The following MAD1L1 variants were observed in gnomAD, a reference collection of about 807,000 sequenced individuals.
MAD1L1 encodes mitotic spindle assembly checkpoint protein MAD1.
In MAD1L1, 95 loss-of-function variants were observed where a neutral mutation model predicts 96.9. The ratio of observed to expected loss-of-function variants is 0.98; its 90% CI spans 0.83 to 1.16. The LOEUF (loss-of-function observed/expected upper bound fraction) is 1.16. Ranked by LOEUF, MAD1L1 falls within the 50% of genes most tolerant of loss-of-function variation. The pLI is 0.00. For synonymous variants in MAD1L1, 473 were observed against 396.6 expected (o/e 1.19, Z -2.29); for missense variants, 1,007 against 954.4 (o/e 1.06, Z -0.73).
rs527413951 is a variant in MAD1L1, at chr7:2,056,383, G to A, written c.1218+12811C>T. 1.9e-4 allele frequency among the ~76,000 whole-genome samples: 29 copies of A among 150,156 alleles called. No homozygotes were observed. In the East Asian group the frequency reaches 5.3e-3, roughly 28 times the overall value. On this transcript the variant is annotated intron_variant, in intron 12 of 18. Transcript: ENST00000265854. ...GGCTCGCGCAGGCTCTTCTGTGGGA[G>A]GGATGGAGGCCCTCTGCTCTGCTCT...
intron 16 of MAD1L1, among the ~76,000 whole-genome samples, chr7:1,947,869 T>C (rs1406892044): frequency 2.0e-5 from 3 of 152,268 alleles, no homozygotes; most frequent in African/African-American, 7.2e-5. Context: ...CCGAGGGGCC[T>C]GCGGGGCCGT....
chr7:1,865,299 G>A (rs1784728251), intron 18 of MAD1L1, among the ~76,000 whole-genome samples: 1 of 152,120 alleles, frequency 6.6e-6, no homozygotes, highest in African/African-American at 2.4e-5. Flanking sequence ...GCTCTTGGGG[G>A]TCTGCAAGGC....
intron 11 of MAD1L1, among the ~76,000 whole-genome samples, chr7:2,069,606 C>T (rs984764856): frequency 3.3e-5 from 5 of 152,230 alleles, no homozygotes; most frequent in South Asian, 4.1e-4. Flanking sequence ...AAATTGTCGG[C>T]GACGCAGCCC....
chr7:2,218,798 G>A (rs1160268969), intron 6 of MAD1L1, among the ~76,000 whole-genome samples: 1 of 152,114 alleles, frequency 6.6e-6, no homozygotes, highest in Non-Finnish European at 1.5e-5. Flanking sequence ...TACTCAGGAG[G>A]CCGAGGCAGG....
intron 11 of MAD1L1, among the ~76,000 whole-genome samples, chr7:2,097,080 A>T (rs538560431): frequency 1.4e-3 from 219 of 152,194 alleles, no homozygotes; most frequent in Non-Finnish European, 2.1e-3. Context: ...AAGGCGGGAG[A>T]TGTGAAAGGG....
Position 1,936,775 on chromosome 7 carries a change from C to A in MAD1L1, c.1719G>T (p.Gly573=), listed in dbSNP as rs1778631685. Residue 573 remains glycine (G), a synonymous_variant, in exon 17 of 19, where the codon GGG becomes GGT. Coordinates refer to ENST00000265854, the MANE Select transcript of MAD1L1 (RefSeq NM_001013836.2). ...CTCCTCTCTCCATGGCGCGCAGGAG[C>A]CCGCGCAGTCGCTCGCACTCCGCCT... ...QLQAECERLR[G]LLRAMERGGT... 1.3e-6 allele frequency: 2 copies of A among 1,575,776 alleles called. No individual in the cohort carries two copies. Among genetic ancestry groups the A allele is most frequent in the African/African-American group, 1.3e-5 (1 of 74,420 alleles).
intron 15 of MAD1L1, among the ~76,000 whole-genome samples, chr7:1,977,942 C>T (rs945555266): frequency 1.3e-5 from 2 of 152,256 alleles, no homozygotes; most frequent in Non-Finnish European, 2.9e-5. Flanking sequence ...CCACCTCCCA[C>T]GTGGCTCCTG....
intron 10 of MAD1L1, among the ~76,000 whole-genome samples, chr7:2,151,105 A>G (rs1416217738): frequency 2.6e-5 from 4 of 152,260 alleles, no homozygotes; most frequent in Non-Finnish European, 5.9e-5. Context: ...TCAGGGAGTT[A>G]AAAATATCAG....
intron 10 of MAD1L1, among the ~76,000 whole-genome samples, chr7:2,167,374 C>T (rs1368803609): frequency 1.3e-5 from 2 of 152,044 alleles, no homozygotes; most frequent in East Asian, 3.9e-4. Context: ...GGTGAAACCC[C>T]GTCTCTACTA....
intron 5 of MAD1L1, among the ~76,000 whole-genome samples, 164 bp downstream of exon 5, chr7:2,222,411 G>A (rs906566895): frequency 1.3e-5 from 2 of 152,198 alleles, no homozygotes; most frequent in Non-Finnish European, 2.9e-5. Context: ...GAAAACTACA[G>A]AATGGAAAAT....
chr7:1,933,424 C>T (rs1433156597), intron 17 of MAD1L1, among the ~76,000 whole-genome samples: 4 of 152,288 alleles, frequency 2.6e-5, no homozygotes, highest in South Asian at 2.1e-4. Context: ...CGGGGGTGTG[C>T]GATCCAGGCC....
At chr7:2,165,353 C>T (rs540417000) in intron 10 of MAD1L1, among the ~76,000 whole-genome samples, 10 of 152,202 alleles carry the variant, frequency 6.6e-5, no homozygotes, top group Admixed American at 4.6e-4. Flanking sequence ...GTTATCTGGA[C>T]GAGTGCACAT....
intron 11 of MAD1L1, among the ~76,000 whole-genome samples, chr7:2,099,578 A>G (rs1224768136): frequency 1.3e-5 from 2 of 152,258 alleles, no homozygotes; most frequent in East Asian, 3.8e-4. Context: ...CCCAGAGGCC[A>G]GGCGGGAGCG....
chr7:2,000,587 A>C (rs1186663478), intron 14 of MAD1L1, among the ~76,000 whole-genome samples: 2 of 152,184 alleles, frequency 1.3e-5, no homozygotes, highest in Non-Finnish European at 2.9e-5. Flanking sequence ...GACGCTCTGC[A>C]GAGCGGCCCC....
At chr7:1,839,544 T>C (rs1232321705) in intron 18 of MAD1L1, among the ~76,000 whole-genome samples, 5 of 152,186 alleles carry the variant, frequency 3.3e-5, no homozygotes, top group Middle Eastern at 3.4e-3. Context: ...AAAAACAGAA[T>C]GTCGTGGAGA....
intron 12 of MAD1L1, among the ~76,000 whole-genome samples, chr7:2,044,995 G>C (rs1246402243): frequency 1.3e-5 from 2 of 152,210 alleles, no homozygotes; most frequent in Non-Finnish European, 2.9e-5. Context: ...GGCTCTGACA[G>C]GGGCCACACG....
chr7:1,990,334 C>T (rs1781352686), intron 14 of MAD1L1, among the ~76,000 whole-genome samples: 2 of 152,186 alleles, frequency 1.3e-5, no homozygotes, highest in South Asian at 4.1e-4. Context: ...CCAGAGGCCA[C>T]CTTTCCGCTC....
At chr7:2,184,832 T>C (rs1424674856) in intron 10 of MAD1L1, among the ~76,000 whole-genome samples, 2 of 151,880 alleles carry the variant, frequency 1.3e-5, no homozygotes, top group African/African-American at 4.8e-5. Flanking sequence ...TGAAACCCTG[T>C]CTCTACTAAA....
intron 10 of MAD1L1, among the ~76,000 whole-genome samples, chr7:2,210,649 C>G (rs1458237949): frequency 6.6e-6 from 1 of 152,210 alleles, no homozygotes; most frequent in Admixed American, 6.5e-5. Context: ...CGGCCTGATG[C>G]AGAACCACAC....
Sources: allele counts gnomAD v4.1 joint callset (sites outside exome capture counted in the v4.1 genomes callset), GRCh38; gene constraint gnomAD v4.1.1; transcripts MANE v1.5; gene names NCBI Gene and HGNC (gene_info 2026-07-23, HGNC 2026-07-21).